MCUB: variants seen among roughly 807,000 people sequenced by gnomAD.
MCUB encodes mitochondrial calcium uniporter dominant negative subunit beta.
A neutral mutation model predicts 41.4 loss-of-function variants in MCUB; 46 were observed. The observed-to-expected ratio is 1.11, with a 90% confidence interval of 0.88 to 1.42. The LOEUF (loss-of-function observed/expected upper bound fraction) is 1.42, where lower values mean the gene tolerates loss of function less well. MCUB is among the 40% of genes most tolerant of loss of function. MCUB has a pLI of 0.00. For synonymous variants in MCUB, 148 were observed against 148.2 expected (o/e 1.00, Z 0.01); for missense variants, 403 against 404.9 (o/e 1.00, Z 0.04).
chr4:109,570,143 A>G (rs1401971787), intron 1 of MCUB, among the ~76,000 whole-genome samples: 2 of 152,162 alleles, frequency 1.3e-5, no homozygotes, highest in Non-Finnish European at 2.9e-5. Flanking sequence ...TCTTTCATCT[A>G]TCTCCATATA....
At chr4:109,677,430 G>A (rs1729597815) in intron 4 of MCUB, among the ~76,000 whole-genome samples, 1 of 152,160 alleles carries the variant, frequency 6.6e-6, no homozygotes. Flanking sequence ...TGGAGTGAAT[G>A]TATTTTGTGT....
intron 1 of MCUB, among the ~76,000 whole-genome samples, chr4:109,600,119 T>C (rs1376420611): frequency 2.6e-5 from 4 of 152,230 alleles, no homozygotes; most frequent in African/African-American, 9.6e-5. Flanking sequence ...GAACAACCCA[T>C]TTCCACTGTT....
chr4:109,592,950 T>C (rs925980068), intron 1 of MCUB, among the ~76,000 whole-genome samples: 2 of 152,230 alleles, frequency 1.3e-5, no homozygotes, highest in Non-Finnish European at 2.9e-5. Flanking sequence ...GTTTAAGGTA[T>C]GTTCTGTTAT....
chr4:109,600,076 A>G (rs1233444954), intron 1 of MCUB, among the ~76,000 whole-genome samples: 4 of 152,238 alleles, frequency 2.6e-5, no homozygotes, highest in Admixed American at 2.6e-4. Flanking sequence ...TTGTTGGACC[A>G]GGATTTAAGG....
At chr4:109,676,827 GTTTC>G (rs1237704118) in intron 4 of MCUB, among the ~76,000 whole-genome samples, 1 of 152,216 alleles carries the variant, frequency 6.6e-6, no homozygotes, top group Non-Finnish European at 1.5e-5. Flanking sequence ...AATCTGCATG[GTTTC>G]TTTAACTGCA....
intron 1 of MCUB, among the ~76,000 whole-genome samples, chr4:109,569,994 A>G (rs1726876612): frequency 6.6e-6 from 1 of 152,208 alleles, no homozygotes; most frequent in Non-Finnish European, 1.5e-5. Context: ...CATGTAATGC[A>G]TGTTATAGAG....
At position 109,687,577 on chromosome 4, in the gene MCUB, CAATG is replaced by C; in HGVS notation, c.999_1002del (p.Asn333LysfsTer18). The C allele has an allele frequency of 6.2e-7, 1 of 1,607,084 alleles. No homozygotes were observed. The highest frequency in any genetic ancestry group is 1.3e-5 in the African/African-American group (1 of 74,826). On this transcript the variant is annotated frameshift_variant, in exon 8 of 8. Coordinates refer to ENST00000394650, the MANE Select transcript of MCUB (RefSeq NM_017918.5). LOFTEE classifies it high-confidence loss of function. ...GTTTGCAAATGCAAGTAGAAGAACT[CAATG>C]AAAAGAATTAATCTTACAGTTTTAA...
chr4:109,591,286 A>G (rs1240617466), intron 1 of MCUB, among the ~76,000 whole-genome samples: 1 of 151,870 alleles, frequency 6.6e-6, no homozygotes, highest in Non-Finnish European at 1.5e-5. Context: ...GCCAGGTGCA[A>G]GTGATTCTCA....
chr4:109,682,085 G>T (rs1729730533), intron 4 of MCUB, among the ~76,000 whole-genome samples: 1 of 152,128 alleles, frequency 6.6e-6, no homozygotes, highest in Non-Finnish European at 1.5e-5. Context: ...CTGGTTGGGT[G>T]TGAGCCAAGT....
Position 109,664,365 on chromosome 4 carries a change from T to C in MCUB, c.422T>C (p.Ile141Thr), listed in dbSNP as rs772893337. Residue 141 changes from isoleucine to threonine, a missense_variant, in exon 4 of 8, where the codon ATA becomes ACA. Coordinates refer to ENST00000394650, the MANE Select transcript of MCUB (RefSeq NM_017918.5). ...GATTTTAAACTTGTCATTAATAAAA[T>C]AGCATATGATGTGCAGTGTCCAAAG... ...MNDFKLVINK[I>T]AYDVQCPKRE... 8.6e-6 allele frequency: 13 copies of C among 1,508,904 alleles called. No homozygotes were observed. The Admixed American group carries it at 1.0e-4, about 12-fold the overall frequency. 93.5% of individuals were successfully genotyped at this position (1,508,904 alleles called of 1,614,324 possible). A position where few individuals can be genotyped will look rare whatever the true frequency, so the allele number is the denominator to read the frequency against.
intron 1 of MCUB, among the ~76,000 whole-genome samples, chr4:109,637,933 C>T (rs1419796092): frequency 1.3e-5 from 2 of 152,112 alleles, no homozygotes; most frequent in Admixed American, 6.5e-5. Flanking sequence ...TTTAAAATGA[C>T]TGTATATAGG....
rs117245183 is a variant in MCUB at position 109,646,777 on chromosome 4, A to G, written c.100-12234A>G. Among the ~76,000 whole-genome samples, 571 of 152,240 alleles carry G rather than the reference A, an allele frequency of 3.8e-3. 17 individuals are homozygous for G. In the South Asian group the frequency reaches 0.06, roughly 16 times the overall value. The stretch of plus-strand genomic sequence containing the variant: ...TTCTTAGACCTCAGGGACATAGCAC[A>G]TGGTGTTCTGTCTGGAATGTTCTTC... On this transcript the variant is annotated intron_variant, in intron 1 of 7. Transcript: ENST00000394650.
chr4:109,616,523 C>A (rs968141276), intron 1 of MCUB, among the ~76,000 whole-genome samples: 52 of 152,262 alleles, frequency 3.4e-4, no homozygotes, highest in Middle Eastern at 3.4e-3. Flanking sequence ...CCCTTTCATG[C>A]AGCCCAGCTC....
chr4:109,670,730 A>AG (rs1729437684), intron 4 of MCUB, among the ~76,000 whole-genome samples: 1 of 151,942 alleles, frequency 6.6e-6, no homozygotes, highest in African/African-American at 2.4e-5. Flanking sequence ...AAAAAAAAAA[A>AG]AGAAAAAGAA....
intron 1 of MCUB, among the ~76,000 whole-genome samples, chr4:109,618,208 A>G (rs977804985): frequency 5.3e-5 from 8 of 152,138 alleles, no homozygotes; most frequent in African/African-American, 1.9e-4. Flanking sequence ...CTGTGGAGTT[A>G]ATGCCCCTTC....
chr4:109,598,544 C>G (rs1404198851), intron 1 of MCUB, among the ~76,000 whole-genome samples: 1 of 152,080 alleles, frequency 6.6e-6, no homozygotes, highest in East Asian at 1.9e-4. Flanking sequence ...GAGATGGCAG[C>G]AGTACAGTCC....
At chr4:109,622,455 A>G (rs1188237611) in intron 1 of MCUB, among the ~76,000 whole-genome samples, 52 of 152,224 alleles carry the variant, frequency 3.4e-4, no homozygotes, top group Admixed American at 3.4e-3. Context: ...AAGAGATTTC[A>G]ATGGATGGAA....
At chr4:109,576,354 A>G (rs1352245968) in intron 1 of MCUB, among the ~76,000 whole-genome samples, 4 of 152,246 alleles carry the variant, frequency 2.6e-5, no homozygotes, top group African/African-American at 9.7e-5. Context: ...ACAAATATAT[A>G]TGAAGTGATC....
chr4:109,598,200 G>A (rs1266009111), intron 1 of MCUB, among the ~76,000 whole-genome samples: 6 of 150,070 alleles, frequency 4.0e-5, no homozygotes, highest in Non-Finnish European at 7.4e-5. Context: ...GGTGGCGGCC[G>A]GGCAGAGGAT....
Sources: allele counts gnomAD v4.1 joint callset (sites outside exome capture counted in the v4.1 genomes callset), GRCh38; gene constraint gnomAD v4.1.1; transcripts MANE v1.5; gene names NCBI Gene and HGNC (gene_info 2026-07-23, HGNC 2026-07-21).